The following ANKS1B variants were observed in gnomAD, a reference collection of about 807,000 sequenced individuals.
ANKS1B encodes ankyrin repeat and sterile alpha motif domain-containing protein 1B.
Under a neutral mutation model 148.3 loss-of-function variants are expected in ANKS1B, and 36 were observed. The observed-to-expected ratio is 0.24, with a 90% CI of 0.19 to 0.32. The LOEUF is 0.32. Ranked by LOEUF, ANKS1B falls within the 10% of genes least tolerant of loss-of-function variation. The pLI is 1.00. For synonymous variants in ANKS1B, 542 were observed against 560.8 expected, an observed-to-expected ratio of 0.97 and a Z score of 0.47; for missense variants, 1,157 against 1,542.6, an observed-to-expected ratio of 0.75 and a Z score of 4.19.
At chr12:99,837,619 T>C (rs1414598961) in intron 1 of ANKS1B, among the ~76,000 whole-genome samples, 1 of 152,156 alleles carries the variant, frequency 6.6e-6, no homozygotes, top group Admixed American at 6.6e-5. Context: ...AATGAAGAAC[T>C]GAAGAGCAGA....
At chr12:99,899,211 A>T (rs532777549) in intron 1 of ANKS1B, among the ~76,000 whole-genome samples, 2 of 152,304 alleles carry the variant, frequency 1.3e-5, no homozygotes, top group South Asian at 2.1e-4. Flanking sequence ...AATTTAAAAG[A>T]TCAAAAAACT....
chr12:99,356,247 T>C (rs1194745844), intron 12 of ANKS1B, among the ~76,000 whole-genome samples: 1 of 152,090 alleles, frequency 6.6e-6, no homozygotes, highest in Admixed American at 6.6e-5. Context: ...AGGCACTGAA[T>C]AGAATGCTGT....
chr12:99,712,723 G>A (rs1029317671), intron 8 of ANKS1B, among the ~76,000 whole-genome samples: 1 of 152,168 alleles, frequency 6.6e-6, no homozygotes, highest in Non-Finnish European at 1.5e-5. Context: ...ACAGGCATAA[G>A]ATAATCAATA....
At chr12:98,812,636 C>T (rs951323444) in intron 19 of ANKS1B, among the ~76,000 whole-genome samples, 9 of 152,176 alleles carry the variant, frequency 5.9e-5, no homozygotes, top group South Asian at 2.1e-4. Flanking sequence ...TGCAGGGGTG[C>T]GATCTCGGCT....
At chr12:98,776,476 C>G (rs1031663407) in intron 24 of ANKS1B, among the ~76,000 whole-genome samples, 5 of 152,192 alleles carry the variant, frequency 3.3e-5, no homozygotes, top group African/African-American at 1.2e-4. Flanking sequence ...GAAATTCTGG[C>G]AGCATAGCAC....
At chr12:99,505,611 T>A (rs1047993391) in intron 9 of ANKS1B, among the ~76,000 whole-genome samples, 7 of 148,450 alleles carry the variant, frequency 4.7e-5, no homozygotes, top group Non-Finnish European at 1.0e-4. Flanking sequence ...ATATGTAGAA[T>A]ATATATAGCA....
At chr12:99,568,981 C>G (rs1210316833) in intron 9 of ANKS1B, among the ~76,000 whole-genome samples, 1 of 152,168 alleles carries the variant, frequency 6.6e-6, no homozygotes, top group Non-Finnish European at 1.5e-5. Flanking sequence ...CAAAGTACTG[C>G]AAATCCACAA....
intron 17 of ANKS1B, among the ~76,000 whole-genome samples, chr12:98,861,985 T>A (rs79944266): frequency 0.098 from 14,990 of 152,250 alleles, 869 homozygotes; most frequent in Non-Finnish European, 0.11. Context: ...TGTTTCCATA[T>A]GTTTAAAATG....
At chr12:99,480,630 T>C (rs1371343601) in intron 10 of ANKS1B, among the ~76,000 whole-genome samples, 1 of 151,922 alleles carries the variant, frequency 6.6e-6, no homozygotes, top group Non-Finnish European at 1.5e-5. Flanking sequence ...CAGTGTCTCA[T>C]GTCACATGAC....
chr12:99,623,190 A>C (rs1378451097), intron 9 of ANKS1B, among the ~76,000 whole-genome samples: 1 of 152,102 alleles, frequency 6.6e-6, no homozygotes, highest in African/African-American at 2.4e-5. Context: ...AGCATTCAAT[A>C]AAATCTAACA....
chr12:98,862,409 A>G (rs2099603737), intron 17 of ANKS1B, among the ~76,000 whole-genome samples: 1 of 152,222 alleles, frequency 6.6e-6, no homozygotes, highest in African/African-American at 2.4e-5. Flanking sequence ...TGATCTATGC[A>G]AAGTACTTAC....
At chr12:99,163,045 G>A (rs1196194231) in intron 14 of ANKS1B, among the ~76,000 whole-genome samples, 3 of 150,416 alleles carry the variant, frequency 2.0e-5, no homozygotes, top group East Asian at 3.9e-4. Flanking sequence ...GCGACAGAGC[G>A]AGACTCTGTC....
intron 9 of ANKS1B, among the ~76,000 whole-genome samples, chr12:99,574,924 G>A (rs116304272): frequency 0.01 from 1,530 of 152,140 alleles, 34 homozygotes; most frequent in African/African-American, 0.035. Flanking sequence ...AGCCAGTACA[G>A]TGAGGCAAAC....
chr12:99,029,514 T>C (rs982613546), intron 17 of ANKS1B, among the ~76,000 whole-genome samples: 1 of 152,228 alleles, frequency 6.6e-6, no homozygotes, highest in Non-Finnish European at 1.5e-5. Context: ...TTTCTCCCCA[T>C]GTACTCCTTC....
intron 8 of ANKS1B, among the ~76,000 whole-genome samples, chr12:99,660,568 G>C (rs1026709137): frequency 4.6e-5 from 7 of 151,652 alleles, no homozygotes; most frequent in African/African-American, 1.2e-4. Flanking sequence ...TCACCATGTT[G>C]GCCAAGCTGG....
At chr12:99,649,411 TC>T in intron 9 of ANKS1B, 3 of 1,591,582 alleles carry the variant, frequency 1.9e-6, no homozygotes, top group Non-Finnish European at 1.7e-6. Context: ...CCAACATACC[TC>T]CCACATATAC....
At chr12:98,825,667 T>C (rs1282794429) in intron 19 of ANKS1B, among the ~76,000 whole-genome samples, 1 of 152,216 alleles carries the variant, frequency 6.6e-6, no homozygotes, top group African/African-American at 2.4e-5. Context: ...CTTTTTTTTT[T>C]CTTGCATGAG....
intron 9 of ANKS1B, among the ~76,000 whole-genome samples, chr12:99,571,005 A>T (rs2097449772): frequency 6.6e-6 from 1 of 152,172 alleles, no homozygotes; most frequent in African/African-American, 2.4e-5. Flanking sequence ...TTTAAAAGAA[A>T]ACTCCATAAG....
chr12:99,522,304 C>T (rs982187681), intron 9 of ANKS1B, among the ~76,000 whole-genome samples: 1 of 152,160 alleles, frequency 6.6e-6, no homozygotes, highest in Admixed American at 6.5e-5. Context: ...CCTAAATTTA[C>T]AGCTCCAATG....
Sources: allele counts gnomAD v4.1 joint callset (sites outside exome capture counted in the v4.1 genomes callset), GRCh38; gene constraint gnomAD v4.1.1; transcripts MANE v1.5; gene names NCBI Gene and HGNC (gene_info 2026-07-23, HGNC 2026-07-21).